The following CHODL variants were observed in gnomAD, a reference collection of about 807,000 sequenced individuals.
The protein encoded by CHODL is transmembrane protein MT75.
Under a neutral mutation model 34.5 loss-of-function variants are expected in CHODL, and 29 were observed. The observed-to-expected ratio is 0.84, with a 90% CI of 0.63 to 1.15. CHODL has a LOEUF of 1.15. Ranked by LOEUF, CHODL falls within the 50% of genes most tolerant of loss-of-function variation. The probability of loss-of-function intolerance (pLI) is 0.00; values close to 1 mark genes in which losing one functional copy is unlikely to be tolerated. For missense variants in CHODL, 332 were observed against 332.5 expected (o/e 1.00, Z 0.01); for synonymous variants, 125 against 116.1 (o/e 1.08, Z -0.49).
chr21:18,148,632 A>G (rs2072928351), intron 2 of CHODL, among the ~76,000 whole-genome samples: 1 of 152,156 alleles, frequency 6.6e-6, no homozygotes, highest in Non-Finnish European at 1.5e-5. Context: ...TATTTATGAA[A>G]ATTATTTCCT....
chr21:18,179,825 A>G (rs531182900), intron 2 of CHODL, among the ~76,000 whole-genome samples: 1 of 152,346 alleles, frequency 6.6e-6, no homozygotes, highest in African/African-American at 2.4e-5. Flanking sequence ...TTAACACTGT[A>G]ATTTTTAATT....
chr21:18,175,953 A>G (rs1347901474), intron 2 of CHODL, among the ~76,000 whole-genome samples: 1 of 152,170 alleles, frequency 6.6e-6, no homozygotes, highest in African/African-American at 2.4e-5. Context: ...TGGTGAAGGG[A>G]TTAGAAGTTC....
At chr21:18,195,620 T>C (rs533934520) in intron 2 of CHODL, among the ~76,000 whole-genome samples, 45 of 152,312 alleles carry the variant, frequency 3.0e-4, no homozygotes, top group African/African-American at 1.1e-3. Flanking sequence ...TTTATCCATG[T>C]TTCATATGAC....
At chr21:18,169,651 T>C (rs1228707995) in intron 2 of CHODL, among the ~76,000 whole-genome samples, 1 of 152,112 alleles carries the variant, frequency 6.6e-6, no homozygotes, top group Admixed American at 6.5e-5. Flanking sequence ...TTTTTGTTTA[T>C]TTCCACTGAT....
intron 2 of CHODL, among the ~76,000 whole-genome samples, chr21:18,093,135 A>G (rs1176562776): frequency 6.6e-6 from 1 of 152,226 alleles, no homozygotes; most frequent in Non-Finnish European, 1.5e-5. Context: ...CGCATCTGGT[A>G]GCAGACTTTT....
intron 2 of CHODL, among the ~76,000 whole-genome samples, chr21:18,228,450 G>A (rs888327352): frequency 5.3e-5 from 8 of 152,090 alleles, no homozygotes; most frequent in Admixed American, 4.6e-4. Flanking sequence ...GGGATGCATC[G>A]TTAGTTTCAT....
At chr21:18,015,513 A>G (rs2146418659) in intron 1 of CHODL, among the ~76,000 whole-genome samples, 1 of 152,290 alleles carries the variant, frequency 6.6e-6, no homozygotes, top group East Asian at 1.9e-4. Context: ...GAGAATTGGT[A>G]CCAGAGAAGT....
chr21:18,028,277 C>CTTTTCCTT (rs377144650), intron 2 of CHODL, among the ~76,000 whole-genome samples: 1 of 98,932 alleles, frequency 1.0e-5, no homozygotes, highest in African/African-American at 4.1e-5. Flanking sequence ...TTTCCTTTTC[C>CTTTTCCTT]CCTTCCTTCC....
chr21:17,928,395 G>T (rs919962067), intron 1 of CHODL, among the ~76,000 whole-genome samples: 1 of 152,128 alleles, frequency 6.6e-6, no homozygotes, highest in African/African-American at 2.4e-5. Flanking sequence ...ATAAGAGGTA[G>T]AGATGCTGGG....
chr21:17,942,452 C>G (rs1214688395), intron 1 of CHODL, among the ~76,000 whole-genome samples: 3 of 152,174 alleles, frequency 2.0e-5, no homozygotes, highest in Non-Finnish European at 4.4e-5. Flanking sequence ...GTGCCTTTCA[C>G]CTTCCACCAG....
chr21:18,164,182 A>G (rs2073127810), intron 2 of CHODL, among the ~76,000 whole-genome samples: 1 of 152,228 alleles, frequency 6.6e-6, no homozygotes, highest in African/African-American at 2.4e-5. Flanking sequence ...CAAGCAGCAC[A>G]GGGCCAAACA....
At chr21:18,260,427 T>C in intron 4 of CHODL, 141 bp downstream of exon 4, 1 of 531,100 alleles carries the variant, frequency 1.9e-6, no homozygotes, top group South Asian at 2.6e-5. Flanking sequence ...ACTTTTGAAC[T>C]AGGTTAGAAA....
chr21:17,959,771 T>G (rs2063518731), intron 1 of CHODL, among the ~76,000 whole-genome samples: 1 of 152,174 alleles, frequency 6.6e-6, no homozygotes, highest in Non-Finnish European at 1.5e-5. Flanking sequence ...GAAAATTATT[T>G]TCCTGCATTT....
intron 5 of CHODL, among the ~76,000 whole-genome samples, chr21:18,265,151 G>A (rs8127896): frequency 0.16 from 24,721 of 150,628 alleles, 2,406 homozygotes; most frequent in African/African-American, 0.28. Flanking sequence ...CAATCAATGC[G>A]TGGATAAAGA....
intron 2 of CHODL, among the ~76,000 whole-genome samples, chr21:18,148,849 C>A (rs2072930858): frequency 1.3e-5 from 2 of 150,488 alleles, no homozygotes; most frequent in African/African-American, 2.4e-5. Flanking sequence ...TCAAATATAC[C>A]CCACATTTGA....
intron 2 of CHODL, among the ~76,000 whole-genome samples, chr21:18,089,325 A>T (rs1258427355): frequency 1.3e-5 from 2 of 151,988 alleles, no homozygotes; most frequent in Non-Finnish European, 2.9e-5. Context: ...ATTATTTATT[A>T]ATTTATCTGT....
At chr21:17,944,948 C>T (rs62212965) in intron 1 of CHODL, among the ~76,000 whole-genome samples, 5,840 of 152,242 alleles carry the variant, frequency 0.038, 184 homozygotes, top group Non-Finnish European at 0.057. Context: ...CGGTGGCTTA[C>T]GCCTGGAATC....
At chr21:17,996,097 T>C (rs2063846972) in intron 1 of CHODL, among the ~76,000 whole-genome samples, 1 of 151,978 alleles carries the variant, frequency 6.6e-6, no homozygotes, top group African/African-American at 2.4e-5. Context: ...TTGCAAAGGC[T>C]CATTTTACCT....
chr21:18,236,157 G>C (rs944205684), intron 2 of CHODL, among the ~76,000 whole-genome samples: 2 of 152,086 alleles, frequency 1.3e-5, no homozygotes, highest in African/African-American at 4.8e-5. Flanking sequence ...CATGGCAAAA[G>C]GAGAAGCAAA....
Sources: allele counts gnomAD v4.1 joint callset (sites outside exome capture counted in the v4.1 genomes callset), GRCh38; gene constraint gnomAD v4.1.1; transcripts MANE v1.5; gene names NCBI Gene and HGNC (gene_info 2026-07-23, HGNC 2026-07-21).